The following MAOB variants were observed in gnomAD, a reference collection of about 807,000 sequenced individuals.
The protein encoded by MAOB is amine oxidase [flavin-containing] B.
A neutral mutation model predicts 41.9 loss-of-function variants in MAOB; 15 were observed. That is an observed-to-expected ratio of 0.36 (90% CI 0.24 to 0.55). The LOEUF is 0.55. Among genes scored for constraint, MAOB ranks in the 20% least tolerant of loss-of-function variants. The pLI is 0.86. For missense variants in MAOB, 345 were observed against 398.7 expected (o/e 0.87, Z 1.15); for synonymous variants, 167 against 144.2 (o/e 1.16, Z -1.13).
intron 1 of MAOB, among the ~76,000 whole-genome samples, chrX:43,857,126 GA>G (rs2035299839): frequency 6.5e-5 from 1 of 15,272 alleles, no homozygotes; most frequent in Admixed American, 9.0e-4. Context: ...TAGAGAGAGA[GA>G]GAGAGAGAGA....
At chrX:43,855,954 T>C (rs1415475214) in intron 1 of MAOB, among the ~76,000 whole-genome samples, 1 of 111,749 alleles carries the variant, frequency 8.9e-6, no homozygotes, top group Non-Finnish European at 1.9e-5. Flanking sequence ...ACAAAACATG[T>C]CTTCCATCAC....
chrX:43,796,896 A>G (rs769568799), intron 6 of MAOB, among the ~76,000 whole-genome samples: 4 of 112,089 alleles, frequency 3.6e-5, no homozygotes, highest in African/African-American at 1.3e-4. Flanking sequence ...AAATGGCCAC[A>G]GTGCATAAAG....
At position 43,803,421 on chromosome X, in the gene MAOB, A is replaced by T. The variant is rs753919396; in HGVS notation, c.280-17T>A. 8.6e-7 allele frequency: 1 copy of T among 1,163,614 alleles called. No homozygotes were observed. The highest frequency in any genetic ancestry group is 1.1e-6 in the Non-Finnish European group (1 of 880,116). ...TGATTTGCCCTGTGAGATACAAGAT[A>T]TTTTTAAAAGGAAATATTTACTACA... On this transcript the variant is annotated splice_polypyrimidine_tract_variant and intron_variant, in intron 3 of 14. Transcript: ENST00000378069.
intron 8 of MAOB, among the ~76,000 whole-genome samples, chrX:43,790,567 C>A (rs1258318829): frequency 9.0e-6 from 1 of 111,026 alleles, no homozygotes; most frequent in African/African-American, 3.3e-5. Flanking sequence ...TTTGGTGAGG[C>A]TATCTCATGT....
At chrX:43,812,324 T>C (rs1431591952) in intron 3 of MAOB, among the ~76,000 whole-genome samples, 2 of 112,579 alleles carry the variant, frequency 1.8e-5, no homozygotes, top group Non-Finnish European at 3.7e-5. Flanking sequence ...AGATACCTCT[T>C]TGATATGCTG....
chrX:43,807,722 G>A (rs112020462), intron 3 of MAOB, among the ~76,000 whole-genome samples: 1,515 of 112,267 alleles, frequency 0.013, 40 homozygotes, highest in African/African-American at 0.045. Context: ...CTGGCATGTT[G>A]TAAGTTCTCA....
At chrX:43,842,235 A>C (rs181324529) in intron 2 of MAOB, among the ~76,000 whole-genome samples, 1 of 112,616 alleles carries the variant, frequency 8.9e-6, no homozygotes, top group Non-Finnish European at 1.9e-5. Flanking sequence ...CAGATTTTTA[A>C]AGAATGGGCA....
chrX:43,797,126 T>C lies in MAOB; in HGVS notation c.617A>G (p.Gln206Arg). The change falls in exon 6 of 15, where the codon CAG becomes CGG. Residue 206 changes from glutamine (Q) to arginine (R), a missense_variant and splice_region_variant. By Grantham distance (43) the Gln-to-Arg change is conservative. Transcript: ENST00000378069. ...GACTGTGGAAGAATGGATGGGTACCTGTCCTCCATTTGTTGTCGAGATGAT... is the reference window on the plus strand; with the variant it reads ...GACTGTGGAAGAATGGATGGGTACCCGTCCTCCATTTGTTGTCGAGATGAT... ...TRIISTTNGG[Q>R]ERKFVGGSGQ... The C allele has an allele frequency of 8.3e-7, 1 of 1,205,368 alleles. No individual in the cohort carries two copies. Among genetic ancestry groups the C allele is most frequent in the African/African-American group, 1.7e-5 (1 of 57,630 alleles).
chrX:43,768,433 C>T (rs2034139016), intron 14 of MAOB, among the ~76,000 whole-genome samples: 1 of 110,654 alleles, frequency 9.0e-6, no homozygotes, highest in East Asian at 2.8e-4. Flanking sequence ...AATATTTTTT[C>T]CTAATAATCT....
At chrX:43,856,913 A>G (rs903051520) in intron 1 of MAOB, among the ~76,000 whole-genome samples, 1 of 104,626 alleles carries the variant, frequency 9.6e-6, no homozygotes, top group Non-Finnish European at 1.9e-5. Flanking sequence ...GGTCAACTGT[A>G]CTTTCACATT....
At chrX:43,833,046 AG>A (rs1333039859) in intron 3 of MAOB, among the ~76,000 whole-genome samples, 1 of 110,968 alleles carries the variant, frequency 9.0e-6, no homozygotes, top group Non-Finnish European at 1.9e-5. Context: ...AATGACAAAA[AG>A]TAGTCCCCAA....
chrX:43,872,794 T>C (rs574430732), intron 1 of MAOB, among the ~76,000 whole-genome samples: 4 of 112,591 alleles, frequency 3.6e-5, no homozygotes, highest in African/African-American at 1.3e-4. Context: ...AACATAAAGT[T>C]TGCATAAAGA....
chrX:43,874,558 C>T (rs2035428528), intron 1 of MAOB, among the ~76,000 whole-genome samples: 1 of 111,619 alleles, frequency 9.0e-6, no homozygotes, highest in South Asian at 3.8e-4. Context: ...CCTAACTTTT[C>T]ACTTTGTTTT....
At chrX:43,811,192 C>T (rs1311796209) in intron 3 of MAOB, among the ~76,000 whole-genome samples, 1 of 111,402 alleles carries the variant, frequency 9.0e-6, no homozygotes, top group African/African-American at 3.3e-5. Flanking sequence ...TTATCAACAT[C>T]AATGTTCTAC....
At chrX:43,782,678 G>A (rs1301266052) in intron 8 of MAOB, among the ~76,000 whole-genome samples, 1 of 111,449 alleles carries the variant, frequency 9.0e-6, no homozygotes, top group African/African-American at 3.3e-5. Flanking sequence ...GCCTGGCAGA[G>A]ACGCAACAAA....
At chrX:43,780,557 T>C (rs2034319555) in intron 9 of MAOB, among the ~76,000 whole-genome samples, 162 bp from the exon 10 acceptor site, 1 of 112,305 alleles carries the variant, frequency 8.9e-6, no homozygotes, top group African/African-American at 3.2e-5. Context: ...GATTTACATA[T>C]CAAATTTCTG....
chrX:43,850,730 A>G (rs2035244316), intron 1 of MAOB, among the ~76,000 whole-genome samples: 1 of 112,284 alleles, frequency 8.9e-6, no homozygotes, highest in East Asian at 2.8e-4. Flanking sequence ...ACATGAAAAC[A>G]AATGGCAATA....
At chrX:43,770,623 A>T (rs2034170374) in intron 12 of MAOB, among the ~76,000 whole-genome samples, 1 of 111,650 alleles carries the variant, frequency 9.0e-6, no homozygotes, top group African/African-American at 3.3e-5. Flanking sequence ...TCTGTGATGT[A>T]GCTACTATTA....
intron 3 of MAOB, among the ~76,000 whole-genome samples, chrX:43,819,409 C>T (rs1376381227): frequency 1.8e-5 from 2 of 111,290 alleles, no homozygotes; most frequent in South Asian, 7.7e-4. Context: ...GGACAGCTCC[C>T]AAGGGCCATC....
Sources: allele counts gnomAD v4.1 joint callset (sites outside exome capture counted in the v4.1 genomes callset), GRCh38; gene constraint gnomAD v4.1.1; transcripts MANE v1.5; gene names NCBI Gene and HGNC (gene_info 2026-07-23, HGNC 2026-07-21).